The following GJC1 variants were observed in gnomAD, a reference collection of about 807,000 sequenced individuals.
The protein encoded by GJC1 is gap junction protein gamma 1.
GJC1 carries 5 observed loss-of-function variants against 29.3 expected under a neutral mutation model. The ratio of observed to expected loss-of-function variants is 0.17; its 90% CI spans 0.09 to 0.36. The LOEUF is 0.36. GJC1 is among the 10% of genes least tolerant of loss of function. The pLI is 1.00. For synonymous variants in GJC1, 177 were observed against 183.3 expected (o/e 0.97, Z 0.28); for missense variants, 310 against 496.2 (o/e 0.62, Z 3.56).
At chr17:44,815,283 G>T (rs550468642) in intron 1 of GJC1, among the ~76,000 whole-genome samples, 10 of 152,246 alleles carry the variant, frequency 6.6e-5, no homozygotes, top group Admixed American at 5.2e-4. Flanking sequence ...GGGTTCAAGT[G>T]ATTCTCCCAC....
chr17:44,827,739 T>C (rs2050191742), intron 1 of GJC1, among the ~76,000 whole-genome samples: 1 of 152,066 alleles, frequency 6.6e-6, no homozygotes, highest in South Asian at 2.1e-4. Context: ...GGGACCATCA[T>C]GGCTAACATG....
At chr17:44,830,851 C>G (rs1567718252), upstream of GJC1, 1 of 396,130 alleles carries the variant, frequency 2.5e-6, no homozygotes, top group African/African-American at 2.1e-5. This position sits in a 1 kb window ranked among gnomAD's most constrained non-coding sequence, Gnocchi z 4.3. Flanking sequence ...CTCGGATTAG[C>G]AAGACCCTAA....
At position 44,802,089 on chromosome 17, in the gene GJC1, C is replaced by A. The variant is rs1323750994; in HGVS notation, c.*2538G>T. 1 of 152,138 alleles carries A rather than the reference C, an allele frequency of 6.6e-6. No individual in the cohort carries two copies. The highest frequency in any genetic ancestry group is 1.5e-5 in the Non-Finnish European group (1 of 68,024). The allele number at this position is 152,138 out of a possible 1,614,324, so 9.4% of individuals were successfully genotyped here. A position where few individuals can be genotyped will look rare whatever the true frequency, so the allele number is the denominator to read the frequency against. On this transcript the variant is annotated 3_prime_UTR_variant, in exon 3 of 3. Coordinates refer to ENST00000592524, the MANE Select transcript of GJC1 (RefSeq NM_005497.4). ...AAAGTGTGTGCATGTGGGGAGGTGA[C>A]AGAATATCTTTATATGTACTTTAAG...
rs1326247055 is a variant in GJC1 at position 44,802,103 on chromosome 17, A to G, written c.*2524T>C. The G allele has an allele frequency of 6.6e-6, 1 of 152,200 alleles. No homozygotes were observed. The highest frequency in any genetic ancestry group is 2.4e-5 in the African/African-American group (1 of 41,444). 9.4% of individuals were successfully genotyped at this position (152,200 alleles called of 1,614,324 possible). On this transcript the variant is annotated 3_prime_UTR_variant, in exon 3 of 3. Coordinates refer to ENST00000592524, the MANE Select transcript of GJC1 (RefSeq NM_005497.4). ...TGGGGAGGTGACAGAATATCTTTATATGTACTTTAAGAAGCTGACGCGTTA... is the reference window on the plus strand; with the variant it reads ...TGGGGAGGTGACAGAATATCTTTATGTGTACTTTAAGAAGCTGACGCGTTA...
Position 44,805,847 on chromosome 17 carries a change from G to C in GJC1, c.-20-10C>G. 8 of 1,267,752 alleles carry C rather than the reference G, an allele frequency of 6.3e-6. No homozygotes were observed. Among genetic ancestry groups the C allele is most frequent in the Non-Finnish European group, 8.9e-6 (8 of 902,374 alleles). The allele number at this position is 1,267,752 out of a possible 1,614,324, so 78.5% of individuals were successfully genotyped here. On this transcript the variant is annotated splice_polypyrimidine_tract_variant and intron_variant, in intron 2 of 2. Transcript: ENST00000592524. This position sits in a 1 kb window ranked among gnomAD's most constrained non-coding sequence, Gnocchi z 5.1. ...ATTGAATTGGTATGCCCTGATAAAAGTGGAAAAATACCAAAATAAAATCAA... is the reference window on the plus strand; with the variant it reads ...ATTGAATTGGTATGCCCTGATAAAACTGGAAAAATACCAAAATAAAATCAA...
intron 1 of GJC1, among the ~76,000 whole-genome samples, chr17:44,828,311 A>C (rs1044490562): frequency 1.3e-5 from 2 of 152,216 alleles, no homozygotes; most frequent in African/African-American, 4.8e-5. Context: ...GCTCCTTTTT[A>C]AGAGAACTGT....
intron 1 of GJC1, among the ~76,000 whole-genome samples, chr17:44,823,182 G>GTTTATCCGAT (rs1335557244): frequency 6.6e-6 from 1 of 150,432 alleles, no homozygotes; most frequent in Non-Finnish European, 1.5e-5. Flanking sequence ...GGTGTGTGAA[G>GTTTATCCGAT]TTTATCCGAT....
Position 44,802,168 on chromosome 17 carries a change from A to C in GJC1, c.*2459T>G, listed in dbSNP as rs924811470. 2 of 152,226 alleles carry C rather than the reference A, an allele frequency of 1.3e-5. No individual in the cohort carries two copies. The highest frequency in any genetic ancestry group is 6.5e-5 in the Admixed American group (1 of 15,284). 9.4% of individuals were successfully genotyped at this position (152,226 alleles called of 1,614,324 possible). On this transcript the variant is annotated 3_prime_UTR_variant, in exon 3 of 3. Coordinates refer to ENST00000592524, the MANE Select transcript of GJC1 (RefSeq NM_005497.4). ...ATAACATTCTCATCAAAACAGGCCA[A>C]GATGAAACACCAGGGGCACTCTTCA...
chr17:44,805,344 G>T lies in GJC1; in HGVS notation c.474C>A (p.Pro158=). The T allele has an allele frequency of 6.2e-7, 1 of 1,614,198 alleles. No individual in the cohort carries two copies. Among genetic ancestry groups the T allele is most frequent in the East Asian group, 2.2e-5 (1 of 44,888 alleles). ...SDKENKEQSQ[P]KPKHDGRRRI... ...GTCGTCGGCCATCATGCTTAGGTTT[G>T]GGTTGGCTCTGCTCTTTATTTTCCT... Residue 158 remains proline (P), a synonymous_variant, in exon 3 of 3, where the codon CCC becomes CCA. Transcript: ENST00000592524. This position sits in a 1 kb window ranked among gnomAD's most constrained non-coding sequence, Gnocchi z 5.1.
rs1425372673 is a variant in GJC1 at position 44,805,274 on chromosome 17, G to A, written c.544C>T (p.Leu182=). The change falls in exon 3 of 3, where the codon CTG becomes TTG. Residue 182 remains leucine, a synonymous_variant. Coordinates refer to ENST00000592524, the MANE Select transcript of GJC1 (RefSeq NM_005497.4). This position sits in a 1 kb window ranked among gnomAD's most constrained non-coding sequence, Gnocchi z 5.1. ...GLMKIYVLQL[L]ARTVFEVGFL... ...CCCACCTCAAACACGGTCCTTGCCA[G>A]CAACTGCAGCACATAGATTTTCATG... 2 of 1,614,058 alleles carry A rather than the reference G, an allele frequency of 1.2e-6. No homozygotes were observed. The highest frequency in any genetic ancestry group is 1.7e-6 in the Non-Finnish European group (2 of 1,180,036).
chr17:44,806,523 C>T (rs2049915880), intron 2 of GJC1, among the ~76,000 whole-genome samples: 1 of 151,582 alleles, frequency 6.6e-6, no homozygotes, highest in South Asian at 2.1e-4. Flanking sequence ...CCTCAGCCTC[C>T]CGAGTATCTG....
In GJC1 at chr17:44,804,655, C is replaced by G; in HGVS notation, c.1163G>C (p.Gly388Ala). The change falls in exon 3 of 3, where the codon GGG becomes GCG. Residue 388 changes from glycine (G) to alanine (A), a missense_variant. By Grantham distance (60) the Gly-to-Ala change is moderately conservative. This residue lies in a region of GJC1 where 146 missense variants were observed against 165.0 expected (regional missense o/e 0.88). Coordinates refer to ENST00000592524, the MANE Select transcript of GJC1 (RefSeq NM_005497.4). ...AATCCAGACGGAGGTCTTCCCATCC[C>G]CTGATTTGCTACTGGCAGTGCTTTT... Reference protein sequence around the residue: ...SNKSTASSKSGDGKTSVWI With the variant: ...SNKSTASSKSADGKTSVWI 3.1e-6 allele frequency: 5 copies of G among 1,613,722 alleles called. No homozygotes were observed. The Admixed American group carries it at 8.3e-5, about 27-fold the overall frequency.
At chr17:44,809,250 G>A (rs1224625267) in intron 1 of GJC1, among the ~76,000 whole-genome samples, 1 of 152,182 alleles carries the variant, frequency 6.6e-6, no homozygotes, top group Non-Finnish European at 1.5e-5. Flanking sequence ...GAGAGAGGGA[G>A]ACTCTAACAC....
chr17:44,798,012 C>T (rs924013726), downstream of GJC1, among the ~76,000 whole-genome samples: 4 of 152,250 alleles, frequency 2.6e-5, no homozygotes, highest in South Asian at 2.1e-4. Flanking sequence ...ACTCTGCTGC[C>T]GCAAAGGGTC....
At chr17:44,809,090 C>T (rs1219308652) in intron 1 of GJC1, among the ~76,000 whole-genome samples, 2 of 148,014 alleles carry the variant, frequency 1.4e-5, no homozygotes, top group East Asian at 1.9e-4. Flanking sequence ...CAAAACAAAA[C>T]AAAACAAACA....
intron 1 of GJC1, among the ~76,000 whole-genome samples, chr17:44,819,651 C>T (rs1200348090): frequency 6.7e-6 from 1 of 149,794 alleles, no homozygotes; most frequent in African/African-American, 2.5e-5. Flanking sequence ...GAGCGAGACT[C>T]CGTCTCAAAA....
chr17:44,804,300 TAA>T lies in GJC1; in HGVS notation c.*325_*326del, dbSNP rs199789186. 107 of 188,308 alleles carry T rather than the reference TAA, an allele frequency of 5.7e-4. No homozygotes were observed. Among genetic ancestry groups the T allele is most frequent in the Non-Finnish European group, 8.5e-4 (81 of 94,824 alleles). The allele number at this position is 188,308 out of a possible 1,614,324, so 11.7% of individuals were successfully genotyped here. On this transcript the variant is annotated 3_prime_UTR_variant, in exon 3 of 3. Coordinates refer to ENST00000592524, the MANE Select transcript of GJC1 (RefSeq NM_005497.4). ...ACAAATACAAAAAAAGTTCTCATAC[TAA>T]AAAAAAAAAAGTACCATAATACTGT...
chr17:44,806,401 G>GTTTTTTTTTT (rs35152035), intron 2 of GJC1, among the ~76,000 whole-genome samples: 1 of 122,136 alleles, frequency 8.2e-6, no homozygotes, highest in African/African-American at 3.0e-5. Context: ...TCTTCTGTTT[G>GTTTTTTTTTT]TTTTTTTTTT....
rs143790124 is a variant in GJC1 at position 44,819,772 on chromosome 17, T to A, written c.-97+10290A>T. Among the ~76,000 whole-genome samples, 592 of 152,348 alleles carry A rather than the reference T, an allele frequency of 3.9e-3. 1 individual carries two copies. Among genetic ancestry groups the A allele is most frequent in the African/African-American group, 0.013 (538 of 41,580 alleles). On this transcript the variant is annotated intron_variant, in intron 1 of 2. Transcript: ENST00000592524. ...TAGTATGTACATACCACGTTTTTTTTATCCATTCATCTGTTGACAGACACC... is the reference window on the plus strand; with the variant it reads ...TAGTATGTACATACCACGTTTTTTTAATCCATTCATCTGTTGACAGACACC...
Sources: gnomAD v4.1 joint callset for allele counts (sites outside exome capture counted in the v4.1 genomes callset) on GRCh38, gnomAD v4.1.1 for gene constraint, gnomAD v4.1.1 regional missense constraint, Gnocchi (gnomAD v3.1) non-coding constraint, MANE v1.5 for transcripts, NCBI Gene and HGNC (gene_info 2026-07-23, HGNC 2026-07-21) for gene names.